The following EP300 variants were observed in gnomAD, a reference collection of about 807,000 sequenced individuals.
EP300 encodes histone acetyltransferase p300.
In EP300, 31 loss-of-function variants were observed where a neutral mutation model predicts 264.0. The observed-to-expected ratio is 0.12, with a 90% confidence interval of 0.09 to 0.16. The LOEUF is 0.16. Ranked by LOEUF, EP300 falls within the 10% of genes least tolerant of loss-of-function variation. The pLI is 1.00. For missense variants in EP300, 2,766 were observed against 3,052.9 expected, an observed-to-expected ratio of 0.91 and a Z score of 2.21; for synonymous variants, 1,340 against 1,045.4, an observed-to-expected ratio of 1.28 and a Z score of -5.44.
intron 1 of EP300, among the ~76,000 whole-genome samples, chr22:41,109,046 G>C (rs1232435215): frequency 6.6e-6 from 1 of 152,104 alleles, no homozygotes; most frequent in Non-Finnish European, 1.5e-5. Flanking sequence ...AGGCCAAGGT[G>C]GGAGGCTTGC....
chr22:41,104,479 A>G (rs577899018), intron 1 of EP300, among the ~76,000 whole-genome samples: 29 of 151,934 alleles, frequency 1.9e-4, no homozygotes, highest in African/African-American at 5.5e-4. Flanking sequence ...TAGTAGACAC[A>G]GGGTTTTGCC....
At chr22:41,126,729 C>CTTTGT (rs2058884610) in intron 3 of EP300, among the ~76,000 whole-genome samples, 1 of 48,792 alleles carries the variant, frequency 2.0e-5, no homozygotes, top group Non-Finnish European at 3.4e-5. Flanking sequence ...GAAATGTTCA[C>CTTTGT]TTTTTTTTTT....
At chr22:41,118,838 G>A (rs2058835756) in intron 2 of EP300, among the ~76,000 whole-genome samples, 1 of 151,948 alleles carries the variant, frequency 6.6e-6, no homozygotes, top group Non-Finnish European at 1.5e-5. Flanking sequence ...GAGAATGCAA[G>A]TGTGAATTGA....
At chr22:41,153,574 ACT>A (rs1470858554) in intron 16 of EP300, among the ~76,000 whole-genome samples, 3 of 151,834 alleles carry the variant, frequency 2.0e-5, no homozygotes, top group South Asian at 2.1e-4. Flanking sequence ...ATATGGTGAA[ACT>A]CTGTCTCTAC....
chr22:41,115,329 C>CA (rs1238936020), intron 1 of EP300, among the ~76,000 whole-genome samples: 5 of 152,166 alleles, frequency 3.3e-5, no homozygotes, highest in Non-Finnish European at 7.4e-5. Context: ...ATAGAGGGCA[C>CA]AAGACAATCA....
chr22:41,146,012 C>A (rs1238264538), intron 10 of EP300, among the ~76,000 whole-genome samples: 1 of 152,012 alleles, frequency 6.6e-6, no homozygotes, highest in Non-Finnish European at 1.5e-5. Flanking sequence ...TCAATGTTCA[C>A]AGTTTATGTG....
chr22:41,155,309 G>C (rs1280377347), intron 17 of EP300, among the ~76,000 whole-genome samples, 196 bp downstream of exon 17: 1 of 151,464 alleles, frequency 6.6e-6, no homozygotes, highest in Non-Finnish European at 1.5e-5. Flanking sequence ...GCTCACTACT[G>C]TCTCCACCTC....
intron 23 of EP300, chr22:41,168,131 T>C (rs1421329918): frequency 1.1e-5 from 4 of 374,966 alleles, no homozygotes; most frequent in Non-Finnish European, 2.0e-5. Context: ...CCCTGTTCTG[T>C]ATTTTTATAA....
chr22:41,164,024 T>C, intron 21 of EP300, 29 bp from the exon 22 acceptor site: 1 of 1,609,422 alleles, frequency 6.2e-7, no homozygotes, highest in Non-Finnish European at 8.5e-7. Context: ...GGTTTGGGGT[T>C]AATTTTGGAA....
At chr22:41,093,622 G>A (rs2058686504) in intron 1 of EP300, among the ~76,000 whole-genome samples, 1 of 152,216 alleles carries the variant, frequency 6.6e-6, no homozygotes, top group Non-Finnish European at 1.5e-5. Context: ...GGTTAGAGGT[G>A]AAGTTTAACA....
chr22:41,169,565 C>T lies in EP300; in HGVS notation c.4235C>T (p.Ala1412Val), dbSNP rs887226313. The change falls in exon 26 of 31, where the codon GCA becomes GTA. Residue 1412 changes from alanine to valine, a missense_variant. Coordinates refer to ENST00000263253, the MANE Select transcript of EP300 (RefSeq NM_001429.4). ...HFFRPKCLRT[A>V]VYHEILIGYL... Reference sequence around the variant, plus strand: ...TTCCGTCCTAAATGCTTGAGGACTGCAGTCTATCATGAAATCCTAATTGGA... The same window carrying T: ...TTCCGTCCTAAATGCTTGAGGACTGTAGTCTATCATGAAATCCTAATTGGA... 30 of 1,610,070 alleles carry T rather than the reference C, an allele frequency of 1.9e-5. 1 individual carries two copies. Among genetic ancestry groups the T allele is most frequent in the East Asian group, 2.2e-5 (1 of 44,868 alleles).
chr22:41,140,216 C>A lies in EP300; in HGVS notation c.1837C>A (p.Arg613=). 6.2e-7 allele frequency: 1 copy of A among 1,613,824 alleles called. No homozygotes were observed. The highest frequency in any genetic ancestry group is 8.5e-7 in the Non-Finnish European group (1 of 1,179,826). Reference sequence around the variant, plus strand: ...GATGGAAAACCTAGTTGCATATGCTCGGAAAGTTGAAGGGGACATGTATGA... The same window carrying A: ...GATGGAAAACCTAGTTGCATATGCTAGGAAAGTTGAAGGGGACATGTATGA... The part of the protein sequence containing the change: ...RRMENLVAYA[R]KVEGDMYESA... The change falls in exon 9 of 31, where the codon CGG becomes AGG. Residue 613 remains arginine (R), a synonymous_variant. Coordinates refer to ENST00000263253, the MANE Select transcript of EP300 (RefSeq NM_001429.4).
chr22:41,169,482 A>G (rs1338634827), intron 25 of EP300, 21 bp from the exon 26 acceptor site: 1 of 1,520,694 alleles, frequency 6.6e-7, no homozygotes, highest in African/African-American at 1.4e-5. Flanking sequence ...TTTCCTCTTC[A>G]TTTCTCTTCA....
intron 1 of EP300, among the ~76,000 whole-genome samples, chr22:41,116,937 G>A (rs936660364): frequency 1.3e-5 from 2 of 152,118 alleles, no homozygotes; most frequent in African/African-American, 4.8e-5. Context: ...GTGCGCACTT[G>A]TAGTCACAGC....
intron 21 of EP300, 107 bp downstream of exon 21, chr22:41,162,886 A>T: frequency 1.1e-6 from 1 of 919,994 alleles, no homozygotes; most frequent in Non-Finnish European, 1.8e-6. Flanking sequence ...TCTTGGGCTA[A>T]ATCTACATAA....
rs746157532 is a variant in EP300, at chr22:41,131,555, C to A, written c.1450C>A (p.Pro484Thr). 6.2e-7 allele frequency: 1 copy of A among 1,614,042 alleles called. No homozygotes were observed. Among genetic ancestry groups the A allele is most frequent in the Non-Finnish European group, 8.5e-7 (1 of 1,180,012 alleles). ...TCAAGTAAATCAGATGCCGACACAA[C>A]CCCAGGTGCAAGCAAAGAACCAGCA... ...PYQVNQMPTQ[P>T]QVQAKNQQNQ... Residue 484 changes from proline (P) to threonine (T), a missense_variant, in exon 6 of 31, where the codon CCC becomes ACC. Pro to Thr is a conservative substitution (Grantham distance 38). Transcript: ENST00000263253.
intron 1 of EP300, among the ~76,000 whole-genome samples, chr22:41,106,689 C>T (rs942583593): frequency 6.6e-6 from 1 of 152,062 alleles, no homozygotes; most frequent in African/African-American, 2.4e-5. Flanking sequence ...AATCTTGGCT[C>T]ACGGCAGCCT....
intron 1 of EP300, among the ~76,000 whole-genome samples, chr22:41,114,268 AC>A (rs2058809685): frequency 6.6e-6 from 1 of 152,074 alleles, no homozygotes; most frequent in Non-Finnish European, 1.5e-5. Flanking sequence ...TGCAGCCTCA[AC>A]TTCCCAAGCT....
intron 10 of EP300, 144 bp from the exon 11 acceptor site, chr22:41,146,595 C>A: frequency 1.4e-6 from 1 of 734,934 alleles, no homozygotes; most frequent in Non-Finnish European, 2.4e-6. Context: ...AAGCTTCTGT[C>A]TAGTTCAGAG....
Sources: gnomAD v4.1 joint callset for allele counts (sites outside exome capture counted in the v4.1 genomes callset) on GRCh38, gnomAD v4.1.1 for gene constraint, MANE v1.5 for transcripts, NCBI Gene and HGNC (gene_info 2026-07-23, HGNC 2026-07-21) for gene names.